CYTH3: variants seen among roughly 807,000 people sequenced by gnomAD.
CYTH3 encodes cytohesin 3.
CYTH3 carries 23 observed loss-of-function variants against 55.1 expected under a neutral mutation model. That is an observed-to-expected ratio of 0.42 (90% CI 0.30 to 0.59). CYTH3 has a LOEUF of 0.59. Among genes scored for constraint, CYTH3 ranks in the 20% least tolerant of loss-of-function variants. CYTH3 has a pLI of 0.20. For missense variants in CYTH3, 413 were observed against 524.8 expected (o/e 0.79, Z 2.08); for synonymous variants, 249 against 194.9 (o/e 1.28, Z -2.31).
chr7:6,171,135 G>C lies in CYTH3; in HGVS notation c.562+67C>G. 2 of 1,596,456 alleles carry C rather than the reference G, an allele frequency of 1.3e-6. No individual in the cohort carries two copies. Among genetic ancestry groups the C allele is most frequent in the South Asian group, 2.2e-5 (2 of 90,570 alleles). ...GAACACACGCTGGGCTGTGCCCACA[G>C]GGGCCGCCCCCTCCAGAGCTGGAGG... is the stretch of plus-strand genomic sequence containing the variant. On this transcript the variant is annotated intron_variant, in intron 7 of 12. Coordinates refer to ENST00000350796, the MANE Select transcript of CYTH3 (RefSeq NM_004227.4). The surrounding 1 kb of genome is among the most constrained non-coding windows in gnomAD (Gnocchi z 6.7).
intron 1 of CYTH3, among the ~76,000 whole-genome samples, chr7:6,213,070 T>C (rs891761670): frequency 6.6e-5 from 10 of 152,378 alleles, no homozygotes; most frequent in African/African-American, 1.9e-4. Context: ...GTTTAGTTTA[T>C]GTCTCCTCCT....
chr7:6,164,923 T>TG lies in CYTH3; in HGVS notation c.*20dup. 6.2e-7 allele frequency: 1 copy of TG among 1,614,188 alleles called. No individual in the cohort carries two copies. The highest frequency in any genetic ancestry group is 8.5e-7 in the Non-Finnish European group (1 of 1,179,992). ...TTCTGCTGGGGTTGGGTCTTTTACC[T>TG]GGGTCTTTTAGCCAGGAAAGCTATT... On this transcript the variant is annotated 3_prime_UTR_variant, in exon 13 of 13. Coordinates refer to ENST00000350796, the MANE Select transcript of CYTH3 (RefSeq NM_004227.4).
chr7:6,249,552 C>G (rs960392431), intron 1 of CYTH3, among the ~76,000 whole-genome samples: 1 of 152,236 alleles, frequency 6.6e-6, no homozygotes, highest in Non-Finnish European at 1.5e-5. Context: ...CAAACACTAA[C>G]TAGTCTGAGC....
At chr7:6,183,172 G>C (rs956113143) in intron 4 of CYTH3, among the ~76,000 whole-genome samples, 1 of 152,202 alleles carries the variant, frequency 6.6e-6, no homozygotes, top group African/African-American at 2.4e-5. Context: ...GGTCAGGAGA[G>C]CGTGACCAGT....
At chr7:6,242,930 A>T (rs1487017584) in intron 1 of CYTH3, among the ~76,000 whole-genome samples, 1 of 152,070 alleles carries the variant, frequency 6.6e-6, no homozygotes, top group African/African-American at 2.4e-5. Context: ...GGAACAAAAA[A>T]AGAACCAGGT....
At chr7:6,245,214 C>G (rs1012696520) in intron 1 of CYTH3, among the ~76,000 whole-genome samples, 2 of 151,718 alleles carry the variant, frequency 1.3e-5, no homozygotes, top group African/African-American at 4.8e-5. Flanking sequence ...GGTTGTGTGC[C>G]AAAGAAAGAA....
intron 4 of CYTH3, among the ~76,000 whole-genome samples, chr7:6,183,643 G>A (rs1230759599): frequency 6.6e-6 from 1 of 152,144 alleles, no homozygotes; most frequent in Non-Finnish European, 1.5e-5. Context: ...AGTGTTACAG[G>A]TTTAATAGGG....
chr7:6,236,833 G>A (rs1480950716), intron 1 of CYTH3, among the ~76,000 whole-genome samples: 6 of 150,682 alleles, frequency 4.0e-5, no homozygotes, highest in African/African-American at 9.8e-5. Context: ...AAAGTGCTGC[G>A]ATTACAGGCG....
At chr7:6,208,095 A>C (rs908676053) in intron 1 of CYTH3, among the ~76,000 whole-genome samples, 1 of 152,172 alleles carries the variant, frequency 6.6e-6, no homozygotes, top group Non-Finnish European at 1.5e-5. Context: ...TGCTTCTCAG[A>C]CTTTTGGCTA....
intron 1 of CYTH3, among the ~76,000 whole-genome samples, chr7:6,193,348 G>A (rs1387403477): frequency 6.7e-6 from 1 of 149,058 alleles, no homozygotes; most frequent in Non-Finnish European, 1.5e-5. Context: ...CTGCACTCTA[G>A]CCTGGGCGAC....
At chr7:6,216,658 T>C (rs1372537925) in intron 1 of CYTH3, among the ~76,000 whole-genome samples, 1 of 151,946 alleles carries the variant, frequency 6.6e-6, no homozygotes, top group East Asian at 1.9e-4. Context: ...GGAGGATTAC[T>C]TGAGCCTGGG....
chr7:6,237,908 G>A (rs1310787281), intron 1 of CYTH3, among the ~76,000 whole-genome samples: 1 of 152,166 alleles, frequency 6.6e-6, no homozygotes, highest in Non-Finnish European at 1.5e-5. Flanking sequence ...CCAAGGCTGA[G>A]GAACACGTGT....
At chr7:6,272,417 A>T in intron 1 of CYTH3, 57 bp downstream of exon 1, 1 of 370,328 alleles carries the variant, frequency 2.7e-6, no homozygotes, top group Non-Finnish European at 4.5e-6. Context: ...CTCGACCCCC[A>T]GCCCCCGGCC....
At chr7:6,176,323 A>G (rs1350250522) in intron 5 of CYTH3, among the ~76,000 whole-genome samples, 1 of 129,164 alleles carries the variant, frequency 7.7e-6, no homozygotes, top group African/African-American at 3.1e-5. Context: ...GTGCAGTGGC[A>G]CCATCTTGGC....
chr7:6,198,836 T>G (rs973655681), intron 1 of CYTH3, among the ~76,000 whole-genome samples: 3 of 150,768 alleles, frequency 2.0e-5, no homozygotes, highest in Non-Finnish European at 4.4e-5. Context: ...TCTCTAAAGC[T>G]GGTTGAATGC....
rs1780298982 is a variant in CYTH3 at position 6,259,822 on chromosome 7, ATATATATATATTTTT to A, written c.34+12637_34+12651del. ...ATATATATATATATATAATATATAT[ATATATATATATTTTT>A]TTTTTTTTTTAAGACGGATTTTCGC... On this transcript the variant is annotated intron_variant, in intron 1 of 12. Transcript: ENST00000350796. Among the ~76,000 whole-genome samples, 19 of 26,342 alleles carry A rather than the reference ATATATATATATTTTT, an allele frequency of 7.2e-4. 1 individual carries two copies. In the African/African-American group the frequency reaches 8.0e-3, roughly 11 times the overall value. 17.3% of individuals were successfully genotyped at this position (26,342 alleles called of 152,430 possible). A position where few individuals can be genotyped will look rare whatever the true frequency, so the allele number is the denominator to read the frequency against.
rs1475007447 is a variant in CYTH3 at position 6,162,085 on chromosome 7, G to A, written c.*2859C>T. ...AAAGCATATCTATGTAGATATCTGC[G>A]TTTGTAACTTTAAAAATAGGCATTG... On this transcript the variant is annotated 3_prime_UTR_variant, in exon 13 of 13. Transcript: ENST00000350796. 3 of 152,620 alleles carry A rather than the reference G, an allele frequency of 2.0e-5. No homozygotes were observed. Among genetic ancestry groups the A allele is most frequent in the East Asian group, 1.9e-4 (1 of 5,202 alleles). 9.5% of individuals were successfully genotyped at this position (152,620 alleles called of 1,614,324 possible). A position where few individuals can be genotyped will look rare whatever the true frequency, so the allele number is the denominator to read the frequency against.
At chr7:6,235,650 T>C (rs996403508) in intron 1 of CYTH3, among the ~76,000 whole-genome samples, 4 of 152,080 alleles carry the variant, frequency 2.6e-5, no homozygotes, top group African/African-American at 7.3e-5. Context: ...CGTTAGATAC[T>C]ACACTGAAAT....
rs752227972 is a variant in CYTH3 at position 6,177,897 on chromosome 7, T to C, written c.294A>G (p.Pro98=). The C allele has an allele frequency of 2.2e-5, 36 of 1,614,078 alleles. No homozygotes were observed. The highest frequency in any genetic ancestry group is 1.8e-4 in the South Asian group (16 of 91,088). ...TATAAAGGAACTGGGCGACGTCTTC[T>C]GGGGAACTCTGTAGCAGGTCATTTT... ...LIENDLLQSS[P]EDVAQFLYKG... The change falls in exon 5 of 13, where the codon CCA becomes CCG. Residue 98 remains proline (P), a synonymous_variant. Coordinates refer to ENST00000350796, the MANE Select transcript of CYTH3 (RefSeq NM_004227.4).
Sources: gnomAD v4.1 joint callset for allele counts (sites outside exome capture counted in the v4.1 genomes callset) on GRCh38, gnomAD v4.1.1 for gene constraint, Gnocchi (gnomAD v3.1) non-coding constraint, MANE v1.5 for transcripts, NCBI Gene and HGNC (gene_info 2026-07-23, HGNC 2026-07-21) for gene names.